The following NPAS3 variants were observed in gnomAD, a reference collection of about 807,000 sequenced individuals.
The protein encoded by NPAS3 is neuronal PAS domain protein 3, also known as neuronal PAS domain-containing protein 3.
In NPAS3, 14 loss-of-function variants were observed where a neutral mutation model predicts 73.1. That is an observed-to-expected ratio of 0.19 (90% CI 0.13 to 0.30). The LOEUF (loss-of-function observed/expected upper bound fraction) is 0.30. Among genes scored for constraint, NPAS3 ranks in the 10% least tolerant of loss-of-function variants. The pLI is 1.00. For synonymous variants in NPAS3, 620 were observed against 541.5 expected (o/e 1.14, Z -2.01); for missense variants, 1,096 against 1,250.0 (o/e 0.88, Z 1.86).
intron 4 of NPAS3, among the ~76,000 whole-genome samples, chr14:33,517,363 C>T (rs1015137647): frequency 3.3e-5 from 5 of 152,062 alleles, no homozygotes; most frequent in African/African-American, 1.2e-4. Context: ...ACATACATTA[C>T]ATTTACATGG....
At chr14:33,541,572 A>G (rs865847333) in intron 4 of NPAS3, among the ~76,000 whole-genome samples, 1 of 152,266 alleles carries the variant, frequency 6.6e-6, no homozygotes, top group Middle Eastern at 3.4e-3. Context: ...GGGAAAACCG[A>G]TGCACTCCCT....
intron 4 of NPAS3, among the ~76,000 whole-genome samples, chr14:33,557,113 C>A (rs1159067087): frequency 6.6e-6 from 1 of 152,112 alleles, no homozygotes; most frequent in East Asian, 1.9e-4. Context: ...GAAATTAGAT[C>A]CTTCCCAAAC....
chr14:33,050,280 G>C (rs2040657412), intron 1 of NPAS3, among the ~76,000 whole-genome samples: 2 of 152,118 alleles, frequency 1.3e-5, no homozygotes, highest in Admixed American at 6.5e-5. Flanking sequence ...TTTGTTTTAA[G>C]CTGGAATCTA....
chr14:33,681,001 A>G (rs2059921730), intron 6 of NPAS3: 1 of 206,400 alleles, frequency 4.8e-6, no homozygotes, highest in African/African-American at 2.3e-5. Context: ...TGGAAACAGT[A>G]GAGTACTTGC....
intron 2 of NPAS3, among the ~76,000 whole-genome samples, chr14:33,122,752 A>C (rs1418086020): frequency 6.6e-6 from 1 of 152,118 alleles, no homozygotes; most frequent in Non-Finnish European, 1.5e-5. Context: ...CCTACACCTT[A>C]TAAGAAGACT....
chr14:33,129,315 T>C (rs2043548066), intron 2 of NPAS3, among the ~76,000 whole-genome samples: 1 of 152,120 alleles, frequency 6.6e-6, no homozygotes. Context: ...CCATTGTCAG[T>C]GTATGAAAAA....
rs767686911 is a variant in NPAS3, at chr14:33,800,947, C to T, written c.2640C>T (p.Asn880=). 7.5e-6 allele frequency: 12 copies of T among 1,605,892 alleles called. No homozygotes were observed. The highest frequency in any genetic ancestry group is 1.0e-5 in the Non-Finnish European group (12 of 1,176,732). The change falls in exon 12 of 12, where the codon AAC becomes AAT. Residue 880 remains asparagine, a synonymous_variant. Coordinates refer to ENST00000356141, the Ensembl canonical transcript of NPAS3. This position sits in a 1 kb window ranked among gnomAD's most constrained non-coding sequence, Gnocchi z 6.5. ...TCTACCACCACGTGCACCGGCTCAA[C>T]ATGTCAGGACCGTTCGGCGGCGCAG...
chr14:33,660,944 CCCA>C (rs1445117927), intron 5 of NPAS3, among the ~76,000 whole-genome samples: 2 of 152,078 alleles, frequency 1.3e-5, no homozygotes, highest in Non-Finnish European at 2.9e-5. Flanking sequence ...CAGTGTTTCC[CCCA>C]CCTTTTTAGC....
chr14:33,266,979 CT>C (rs2040848070), intron 3 of NPAS3, among the ~76,000 whole-genome samples: 1 of 152,144 alleles, frequency 6.6e-6, no homozygotes, highest in Non-Finnish European at 1.5e-5. Flanking sequence ...GAATATCTGA[CT>C]TAGCAAGGCA....
chr14:33,430,739 C>T (rs2048750535), intron 4 of NPAS3, among the ~76,000 whole-genome samples: 1 of 152,224 alleles, frequency 6.6e-6, no homozygotes, highest in South Asian at 2.1e-4. Flanking sequence ...TATCTTCTCC[C>T]TGCAAATTAA....
intron 4 of NPAS3, among the ~76,000 whole-genome samples, chr14:33,444,688 C>T (rs2049406835): frequency 6.6e-6 from 1 of 152,194 alleles, no homozygotes; most frequent in Non-Finnish European, 1.5e-5. Context: ...ATTCCTCCAA[C>T]CCTGAGATCA....
intron 1 of NPAS3, among the ~76,000 whole-genome samples, chr14:33,033,389 G>T (rs944928322): frequency 6.6e-6 from 1 of 152,098 alleles, no homozygotes; most frequent in African/African-American, 2.4e-5. Flanking sequence ...TGAGGCATGA[G>T]AATTGCTTGA....
Position 33,800,845 on chromosome 14 carries a change from C to G in NPAS3, c.2538C>G (p.Pro846=), listed in dbSNP as rs1161974338. The G allele has an allele frequency of 6.2e-7, 1 of 1,604,260 alleles. No homozygotes were observed. The highest frequency in any genetic ancestry group is 2.2e-5 in the East Asian group (1 of 44,464). The change falls in exon 12 of 12, where the codon CCC becomes CCG. Residue 846 remains proline (P), a synonymous_variant. Coordinates refer to ENST00000356141, the Ensembl canonical transcript of NPAS3. The surrounding 1 kb of genome is among the most constrained non-coding windows in gnomAD (Gnocchi z 6.5). Reference sequence around the variant, plus strand: ...TGGCCATGCAGAGCAACCTGCTGCCCAACGCGCACGCTGTTAACTTCGTGG... The same window carrying G: ...TGGCCATGCAGAGCAACCTGCTGCCGAACGCGCACGCTGTTAACTTCGTGG...
intron 7 of NPAS3, among the ~76,000 whole-genome samples, chr14:33,774,044 T>C (rs1246619919): frequency 3.3e-5 from 5 of 152,172 alleles, no homozygotes; most frequent in Non-Finnish European, 7.3e-5. Context: ...CTCAACTTAT[T>C]GGTCATTTTA....
intron 4 of NPAS3, among the ~76,000 whole-genome samples, chr14:33,465,271 C>A (rs1186926411): frequency 6.6e-6 from 1 of 152,132 alleles, no homozygotes; most frequent in African/African-American, 2.4e-5. Context: ...CTAATTCTGT[C>A]AGCCCCATAC....
intron 3 of NPAS3, among the ~76,000 whole-genome samples, chr14:33,264,153 T>G (rs1187935444): frequency 6.6e-6 from 1 of 152,004 alleles, no homozygotes; most frequent in Non-Finnish European, 1.5e-5. Context: ...ACCATCATTC[T>G]CAGCAAACGA....
chr14:33,158,469 TG>T (rs1036111251), intron 2 of NPAS3, among the ~76,000 whole-genome samples: 3 of 151,964 alleles, frequency 2.0e-5, no homozygotes, highest in Non-Finnish European at 2.9e-5. Flanking sequence ...GACATTCCAG[TG>T]GGGTGGGGCA....
At chr14:33,171,517 C>T (rs891033731) in intron 2 of NPAS3, among the ~76,000 whole-genome samples, 5 of 152,222 alleles carry the variant, frequency 3.3e-5, no homozygotes, top group Non-Finnish European at 7.3e-5. Context: ...CCAACCTCTG[C>T]TAGCTTGCAA....
chr14:32,970,883 A>AT (rs1349842585), intron 1 of NPAS3, among the ~76,000 whole-genome samples: 2 of 152,210 alleles, frequency 1.3e-5, no homozygotes, highest in Admixed American at 1.3e-4. Flanking sequence ...TTTTAACGGC[A>AT]TTTGCAAAAC....
Sources: gnomAD v4.1 joint callset for allele counts (sites outside exome capture counted in the v4.1 genomes callset) on GRCh38, gnomAD v4.1.1 for gene constraint, Gnocchi (gnomAD v3.1) non-coding constraint, MANE v1.5 for transcripts, NCBI Gene and HGNC (gene_info 2026-07-23, HGNC 2026-07-21) for gene names.